DCC: variants seen among roughly 807,000 people sequenced by gnomAD.
The protein encoded by DCC is DCC netrin 1 receptor.
In DCC, 58 loss-of-function variants were observed where a neutral mutation model predicts 172.5. That is an observed-to-expected ratio of 0.34 (90% confidence interval 0.27 to 0.42). The LOEUF (loss-of-function observed/expected upper bound fraction) is 0.42. DCC is among the 10% of genes least tolerant of loss of function. The pLI, the probability that DCC is intolerant of heterozygous loss-of-function variation, is 1.00. For synonymous variants in DCC, 709 were observed against 644.5 expected, an observed-to-expected ratio of 1.10 and a Z score of -1.52; for missense variants, 1,740 against 1,791.0, an observed-to-expected ratio of 0.97 and a Z score of 0.51.
chr18:52,439,608 G>T (rs1301706006), intron 1 of DCC, among the ~76,000 whole-genome samples: 1 of 152,134 alleles, frequency 6.6e-6, no homozygotes, highest in Non-Finnish European at 1.5e-5. Flanking sequence ...AACGAGGTTT[G>T]TTTAAGTTTT....
intron 5 of DCC, among the ~76,000 whole-genome samples, chr18:52,955,617 C>T (rs1414023705): frequency 1.3e-5 from 2 of 152,028 alleles, no homozygotes; most frequent in African/African-American, 4.8e-5. Flanking sequence ...TTGTAAAAAT[C>T]TGCCAAACTG....
At chr18:53,186,746 G>A (rs2055288035) in intron 9 of DCC, among the ~76,000 whole-genome samples, 1 of 152,170 alleles carries the variant, frequency 6.6e-6, no homozygotes, top group South Asian at 2.1e-4. Context: ...CAAAACACCT[G>A]ACACTGTAAT....
intron 2 of DCC, among the ~76,000 whole-genome samples, chr18:52,829,572 AT>A (rs1303858930): frequency 6.6e-6 from 1 of 152,208 alleles, no homozygotes; most frequent in Non-Finnish European, 1.5e-5. Flanking sequence ...AGGCAATTCT[AT>A]TACAGTTCAA....
intron 1 of DCC, among the ~76,000 whole-genome samples, chr18:52,387,866 T>C (rs894128282): frequency 1.3e-5 from 2 of 152,046 alleles, no homozygotes; most frequent in Non-Finnish European, 2.9e-5. Context: ...ATAATACACA[T>C]TTATAAAAGT....
intron 2 of DCC, among the ~76,000 whole-genome samples, chr18:52,774,037 C>G (rs2037386779): frequency 6.6e-6 from 1 of 152,106 alleles, no homozygotes; most frequent in African/African-American, 2.4e-5. Flanking sequence ...CCTGGCAAAC[C>G]ACTCTGTAAC....
intron 15 of DCC, among the ~76,000 whole-genome samples, chr18:53,348,855 A>C (rs62098017): frequency 0.3 from 45,353 of 152,102 alleles, 8,644 homozygotes; most frequent in Non-Finnish European, 0.44. Context: ...CCCTGGGCCC[A>C]GCCCACAGAA....
chr18:53,373,463 T>C (rs999417936), intron 15 of DCC, among the ~76,000 whole-genome samples: 1 of 152,178 alleles, frequency 6.6e-6, no homozygotes, highest in Non-Finnish European at 1.5e-5. Context: ...CCAGAAGCTA[T>C]ATTTATTTAT....
At chr18:53,229,512 G>A (rs751441594) in intron 12 of DCC, among the ~76,000 whole-genome samples, 7 of 151,924 alleles carry the variant, frequency 4.6e-5, no homozygotes, top group African/African-American at 1.2e-4. Flanking sequence ...TATTCATATC[G>A]TATCTGTGGG....
chr18:52,807,191 CAAA>C (rs1414954756), intron 2 of DCC, among the ~76,000 whole-genome samples: 1 of 152,004 alleles, frequency 6.6e-6, no homozygotes, highest in Non-Finnish European at 1.5e-5. Context: ...GAGACTGTCT[CAAA>C]AAAATTCAGA....
chr18:53,013,328 A>C (rs2143888448), intron 5 of DCC, among the ~76,000 whole-genome samples: 1 of 152,276 alleles, frequency 6.6e-6, no homozygotes, highest in African/African-American at 2.4e-5. Flanking sequence ...CTAGATAAAG[A>C]AAATGTGGCA....
At chr18:52,729,355 G>A (rs551945083) in intron 1 of DCC, among the ~76,000 whole-genome samples, 1 of 152,222 alleles carries the variant, frequency 6.6e-6, no homozygotes, top group Non-Finnish European at 1.5e-5. Flanking sequence ...TGCCTCCTGG[G>A]TTCAAGTGAT....
At chr18:52,610,398 A>AG (rs2034252105) in intron 1 of DCC, among the ~76,000 whole-genome samples, 1 of 141,672 alleles carries the variant, frequency 7.1e-6, no homozygotes, top group African/African-American at 2.6e-5. Flanking sequence ...AAAAAAAAAA[A>AG]AAAAAAAAAG....
chr18:52,988,033 GT>G (rs1293919604), intron 5 of DCC, among the ~76,000 whole-genome samples: 1 of 152,084 alleles, frequency 6.6e-6, no homozygotes, highest in African/African-American at 2.4e-5. Context: ...GTATTTTAGT[GT>G]TTACTGGTTG....
At chr18:53,017,075 C>CT (rs942676611) in intron 5 of DCC, among the ~76,000 whole-genome samples, 4 of 140,498 alleles carry the variant, frequency 2.8e-5, no homozygotes, top group Non-Finnish European at 3.1e-5. Context: ...TTTTCTTTTT[C>CT]TTTTCTTTTT....
chr18:53,258,404 A>G (rs2056550570), intron 12 of DCC, among the ~76,000 whole-genome samples: 1 of 151,804 alleles, frequency 6.6e-6, no homozygotes, highest in African/African-American at 2.4e-5. Flanking sequence ...AGATTCTGAT[A>G]TGTTGTATCT....
intron 1 of DCC, among the ~76,000 whole-genome samples, chr18:52,581,435 A>G (rs1432347825): frequency 6.6e-5 from 10 of 152,186 alleles, no homozygotes; most frequent in Non-Finnish European, 1.5e-4. Flanking sequence ...AGATTATTAT[A>G]TTTATTTTTA....
At chr18:53,388,700 A>C (rs1908339832) in intron 16 of DCC, among the ~76,000 whole-genome samples, 1 of 152,258 alleles carries the variant, frequency 6.6e-6, no homozygotes, top group Non-Finnish European at 1.5e-5. Flanking sequence ...GACTAATAAA[A>C]CACGCTGTTT....
At chr18:52,443,073 T>G (rs1988018426) in intron 1 of DCC, among the ~76,000 whole-genome samples, 1 of 152,128 alleles carries the variant, frequency 6.6e-6, no homozygotes, top group African/African-American at 2.4e-5. Flanking sequence ...TTAAAAACTT[T>G]AAGTGAATAA....
At chr18:53,447,496 A>AT (rs796877999) in intron 22 of DCC, among the ~76,000 whole-genome samples, 33 of 152,054 alleles carry the variant, frequency 2.2e-4, no homozygotes, top group South Asian at 1.2e-3. Context: ...ATTCAGAGTT[A>AT]TTTTTTTTGA....
Sources: gnomAD v4.1 joint callset for allele counts (sites outside exome capture counted in the v4.1 genomes callset) on GRCh38, gnomAD v4.1.1 for gene constraint, MANE v1.5 for transcripts, NCBI Gene and HGNC (gene_info 2026-07-23, HGNC 2026-07-21) for gene names.